Variants in HERC1 observed in about 807,000 individuals in gnomAD.
HERC1 encodes probable E3 ubiquitin-protein ligase HERC1.
A neutral mutation model predicts 554.3 loss-of-function variants in HERC1; 160 were observed. That is an observed-to-expected ratio of 0.29 (90% confidence interval 0.25 to 0.33). The LOEUF (loss-of-function observed/expected upper bound fraction) is 0.33. Among genes scored for constraint, HERC1 ranks in the 10% least tolerant of loss-of-function variants. The pLI is 1.00. For missense variants in HERC1, 4,919 were observed against 5,918.5 expected (o/e 0.83, Z 5.54); for synonymous variants, 2,175 against 2,131.7 (o/e 1.02, Z -0.56).
At chr15:63,706,927 T>A in intron 24 of HERC1, 96 bp from the exon 25 acceptor site, 1 of 738,894 alleles carries the variant, frequency 1.4e-6, no homozygotes, top group Non-Finnish European at 2.2e-6. Flanking sequence ...TTCATGTAAT[T>A]ACAGCAATGT....
intron 44 of HERC1, among the ~76,000 whole-genome samples, chr15:63,662,458 A>G (rs2070406595): frequency 6.6e-6 from 1 of 152,208 alleles, no homozygotes; most frequent in Non-Finnish European, 1.5e-5. Flanking sequence ...TACATCTATG[A>G]GCTTTTTGGT....
At chr15:63,791,474 T>C (rs1256841743) in intron 1 of HERC1, among the ~76,000 whole-genome samples, 2 of 152,180 alleles carry the variant, frequency 1.3e-5, no homozygotes, top group East Asian at 1.9e-4. Context: ...TAAGGGATGA[T>C]CTTTTTCAAA....
intron 1 of HERC1, among the ~76,000 whole-genome samples, chr15:63,829,128 T>C (rs748747697): frequency 3.9e-5 from 6 of 152,024 alleles, no homozygotes; most frequent in Non-Finnish European, 5.9e-5. Flanking sequence ...TAAATATATA[T>C]AGAATACAGG....
chr15:63,705,311 G>A (rs899761524), intron 25 of HERC1, among the ~76,000 whole-genome samples: 3 of 151,528 alleles, frequency 2.0e-5, no homozygotes, highest in Non-Finnish European at 4.4e-5. Flanking sequence ...ATGCATCCAC[G>A]CCTAGCTTTT....
chr15:63,726,591 C>T (rs2074049625), intron 17 of HERC1, among the ~76,000 whole-genome samples: 1 of 152,028 alleles, frequency 6.6e-6, no homozygotes, highest in South Asian at 2.1e-4. Flanking sequence ...TGAAAACCAA[C>T]AAAATAACAT....
intron 2 of HERC1, among the ~76,000 whole-genome samples, chr15:63,767,638 C>A (rs1245845058): frequency 6.6e-6 from 1 of 152,090 alleles, no homozygotes; most frequent in Non-Finnish European, 1.5e-5. Flanking sequence ...GCGGAGGCTG[C>A]AGTCAGCCGA....
intron 63 of HERC1, 109 bp from the exon 64 acceptor site, chr15:63,637,752 A>G (rs2068846404): frequency 2.1e-6 from 2 of 948,630 alleles, no homozygotes. Flanking sequence ...TAATTGTTTT[A>G]TCCTTTTACT....
At position 63,634,763 on chromosome 15, in the gene HERC1, C is replaced by T; in HGVS notation, c.12540G>A (p.Val4180=). The change falls in exon 66 of 78, where the codon GTG becomes GTA. Residue 4180 remains valine, a synonymous_variant. Coordinates refer to ENST00000443617, the MANE Select transcript of HERC1 (RefSeq NM_003922.4). ...CAATCTGATATCCCTCCAGTGCAGT[C>T]ACTCTCTCTGGAAGTTTTTTGTTAG... ...NTSNKKLPER[V]TALEGYQIGQ... is the part of the protein sequence containing the mutation. The T allele has an allele frequency of 6.2e-7, 1 of 1,612,936 alleles. No homozygotes were observed.
chr15:63,678,750 C>G (rs148738870), intron 36 of HERC1, among the ~76,000 whole-genome samples: 17 of 152,244 alleles, frequency 1.1e-4, no homozygotes, highest in African/African-American at 4.1e-4. Flanking sequence ...TTACATTGTT[C>G]AAGGGGTGCA....
intron 25 of HERC1, among the ~76,000 whole-genome samples, chr15:63,702,438 A>C (rs1312673452): frequency 6.6e-6 from 1 of 152,220 alleles, no homozygotes; most frequent in Admixed American, 6.5e-5. Flanking sequence ...ACAGTATTTT[A>C]ACTAATAAGA....
At chr15:63,704,970 C>T (rs1291285965) in intron 25 of HERC1, among the ~76,000 whole-genome samples, 1 of 151,666 alleles carries the variant, frequency 6.6e-6, no homozygotes, top group Non-Finnish European at 1.5e-5. Flanking sequence ...GATCTCCTGA[C>T]CTCGTGATCC....
intron 39 of HERC1, among the ~76,000 whole-genome samples, chr15:63,671,158 G>A (rs943715905): frequency 6.8e-6 from 1 of 146,552 alleles, no homozygotes; most frequent in Non-Finnish European, 1.5e-5. Flanking sequence ...AGCCCAGATC[G>A]CACCACTGCA....
rs763153485 is a variant in HERC1 at position 63,723,378 on chromosome 15, C to T, written c.3569-23G>A. The T allele has an allele frequency of 2.6e-5, 38 of 1,457,650 alleles. No individual in the cohort carries two copies. In the Middle Eastern group the frequency reaches 7.2e-4, roughly 27 times the overall value. The allele number at this position is 1,457,650 out of a possible 1,614,324, so 90.3% of individuals were successfully genotyped here. ...TATCTAAAAAAAATACTCACGTTAC[C>T]AATTTTAACATCATAAATTTTGGTG... On this transcript the variant is annotated intron_variant, in intron 18 of 77. Coordinates refer to ENST00000443617, the MANE Select transcript of HERC1 (RefSeq NM_003922.4).
chr15:63,702,554 G>A (rs1292986843), intron 25 of HERC1, among the ~76,000 whole-genome samples: 1 of 152,058 alleles, frequency 6.6e-6, no homozygotes, highest in Non-Finnish European at 1.5e-5. Flanking sequence ...AAAACGTATT[G>A]TCTTTCTGTA....
intron 52 of HERC1, 44 bp downstream of exon 52, chr15:63,652,370 G>A: frequency 4.5e-6 from 7 of 1,541,226 alleles, no homozygotes; most frequent in Non-Finnish European, 6.2e-6. Flanking sequence ...GCATGTTTAG[G>A]ATTCTCTTAT....
rs1361290374 is a variant in HERC1, at chr15:63,775,734, T to C, written c.-26-85A>G. ...AAATTTCATCTTACATTACAATTAATGATTTCAAACTGGTGAAATGCAGCC... is the reference window on the plus strand; with the variant it reads ...AAATTTCATCTTACATTACAATTAACGATTTCAAACTGGTGAAATGCAGCC... On this transcript the variant is annotated intron_variant, in intron 1 of 77. Transcript: ENST00000443617. This position sits in a 1 kb window ranked among gnomAD's most constrained non-coding sequence, Gnocchi z 4.0. The C allele has an allele frequency of 4.1e-6, 4 of 969,304 alleles. No homozygotes were observed. Among genetic ancestry groups the C allele is most frequent in the East Asian group, 4.9e-5 (2 of 40,844 alleles). 60.0% of individuals were successfully genotyped at this position (969,304 alleles called of 1,614,324 possible).
chr15:63,634,185 C>T (rs2068682553), intron 66 of HERC1, among the ~76,000 whole-genome samples: 1 of 152,098 alleles, frequency 6.6e-6, no homozygotes, highest in South Asian at 2.1e-4. Flanking sequence ...AAGTGAAATC[C>T]TTCAAATGTC....
rs1449025861 is a variant in HERC1, at chr15:63,612,051, G to A, written c.14400+200C>T. Among the ~76,000 whole-genome samples, 1 of 152,152 alleles carries A rather than the reference G, an allele frequency of 6.6e-6. No individual in the cohort carries two copies. The highest frequency in any genetic ancestry group is 1.5e-5 in the Non-Finnish European group (1 of 68,028). ...ATATACAAAAAAATTAGCCAGGCGT[G>A]GTGGCACGCACCTGTAGTCCCAGCT... On this transcript the variant is annotated intron_variant, in intron 77 of 77. Coordinates refer to ENST00000443617, the MANE Select transcript of HERC1 (RefSeq NM_003922.4). The surrounding 1 kb of genome is among the most constrained non-coding windows in gnomAD (Gnocchi z 5.0).
At chr15:63,761,274 A>C (rs996414454) in intron 3 of HERC1, among the ~76,000 whole-genome samples, 3 of 152,140 alleles carry the variant, frequency 2.0e-5, no homozygotes, top group Admixed American at 6.6e-5. Context: ...ACTAATACTA[A>C]ATGAAGGTTA....
Sources: gnomAD v4.1 joint callset for allele counts (sites outside exome capture counted in the v4.1 genomes callset) on GRCh38, gnomAD v4.1.1 for gene constraint, Gnocchi (gnomAD v3.1) non-coding constraint, MANE v1.5 for transcripts, NCBI Gene and HGNC (gene_info 2026-07-23, HGNC 2026-07-21) for gene names.